COL27A1: variants seen among roughly 807,000 people sequenced by gnomAD.
COL27A1 encodes collagen type XXVII alpha 1 chain.
Under a neutral mutation model 251.3 loss-of-function variants are expected in COL27A1, and 106 were observed. That is an observed-to-expected ratio of 0.42 (90% CI 0.36 to 0.50). The LOEUF (loss-of-function observed/expected upper bound fraction) is 0.50, where lower values mean the gene tolerates loss of function less well. Ranked by LOEUF, COL27A1 falls within the 20% of genes least tolerant of loss-of-function variation. The pLI is 0.00. For missense variants in COL27A1, 2,325 were observed against 2,522.8 expected (o/e 0.92, Z 1.68); for synonymous variants, 1,000 against 986.3 (o/e 1.01, Z -0.26).
chr9:114,225,302 C>T (rs772269049), intron 14 of COL27A1, among the ~76,000 whole-genome samples: 6 of 152,238 alleles, frequency 3.9e-5, no homozygotes, highest in Non-Finnish European at 8.8e-5. Context: ...GGGCAGAGCC[C>T]TGGGACTTTC....
intron 16 of COL27A1, 99 bp downstream of exon 16, chr9:114,231,965 T>C: frequency 8.6e-7 from 1 of 1,158,742 alleles, no homozygotes; most frequent in East Asian, 2.3e-5. Flanking sequence ...TCCACTCCCC[T>C]GCACTCTTCC....
chr9:114,269,072 A>G (rs1045161615), intron 34 of COL27A1, 169 bp from the exon 35 acceptor site: 1 of 552,000 alleles, frequency 1.8e-6, no homozygotes, highest in African/African-American at 1.9e-5. Flanking sequence ...TACTTGGAAC[A>G]GGAGCTCTGG....
chr9:114,160,814 G>T (rs1848449882), intron 1 of COL27A1, among the ~76,000 whole-genome samples: 1 of 152,200 alleles, frequency 6.6e-6, no homozygotes, highest in Non-Finnish European at 1.5e-5. Context: ...GCAGTGAGCT[G>T]CGGGAGGTGA....
intron 49 of COL27A1, among the ~76,000 whole-genome samples, chr9:114,297,554 T>G (rs1452108967): frequency 6.6e-6 from 1 of 152,158 alleles, no homozygotes; most frequent in African/African-American, 2.4e-5. Context: ...ATACACCATA[T>G]TAATAAAATA....
At chr9:114,258,185 CATAA>C (rs1834071020) in intron 27 of COL27A1, among the ~76,000 whole-genome samples, 1 of 152,208 alleles carries the variant, frequency 6.6e-6, no homozygotes, top group African/African-American at 2.4e-5. Flanking sequence ...TCAATAAATA[CATAA>C]ATGAATGAAT....
intron 19 of COL27A1, among the ~76,000 whole-genome samples, chr9:114,239,810 C>T (rs1832630069): frequency 6.6e-6 from 1 of 152,168 alleles, no homozygotes; most frequent in Non-Finnish European, 1.5e-5. Context: ...CACAGCAAAC[C>T]CAGAAAATCA....
chr9:114,260,810 C>A (rs1248471948), intron 28 of COL27A1, among the ~76,000 whole-genome samples: 4 of 152,156 alleles, frequency 2.6e-5, no homozygotes, highest in African/African-American at 9.7e-5. Context: ...AGCTGTGGAA[C>A]CCCAGGCCGG....
At chr9:114,294,247 CAAAAAAAAAA>C (rs58536000) in intron 49 of COL27A1, among the ~76,000 whole-genome samples, 5 of 84,276 alleles carry the variant, frequency 5.9e-5, no homozygotes, top group Non-Finnish European at 1.2e-4. Context: ...GACTCTGTCT[CAAAAAAAAAA>C]AAAAAAAAAA....
At chr9:114,230,963 C>A in intron 14 of COL27A1, 116 bp from the exon 15 acceptor site, 1 of 732,944 alleles carries the variant, frequency 1.4e-6, no homozygotes, top group Non-Finnish European at 2.3e-6. Context: ...ATCAATCCTA[C>A]AGAGTTGCGT....
At chr9:114,204,919 T>G (rs574971677) in intron 7 of COL27A1, among the ~76,000 whole-genome samples, 183 bp from the exon 8 acceptor site, 1 of 152,142 alleles carries the variant, frequency 6.6e-6, no homozygotes, top group South Asian at 2.1e-4. Flanking sequence ...GAGAAAACCT[T>G]AGGAATATGT....
chr9:114,166,401 A>ATCCATCCATCCATCCC (rs2135059497), intron 2 of COL27A1, among the ~76,000 whole-genome samples: 1 of 145,576 alleles, frequency 6.9e-6, no homozygotes, highest in East Asian at 2.2e-4. Flanking sequence ...CCATCCACCC[A>ATCCATCCATCCATCCC]CCCACCTATC....
chr9:114,276,349 T>G (rs1235691077), intron 37 of COL27A1, among the ~76,000 whole-genome samples: 1 of 152,228 alleles, frequency 6.6e-6, no homozygotes, highest in African/African-American at 2.4e-5. Context: ...CTCACGCCTG[T>G]AATCCCAGCA....
intron 57 of COL27A1, 80 bp downstream of exon 57, chr9:114,304,753 C>T (rs1023607018): frequency 2.4e-6 from 3 of 1,252,444 alleles, no homozygotes; most frequent in Non-Finnish European, 3.5e-6. Context: ...GTGGTCAGTG[C>T]CTTCCATGTG....
intron 7 of COL27A1, among the ~76,000 whole-genome samples, chr9:114,203,192 G>T (rs1829694377): frequency 6.6e-6 from 1 of 152,132 alleles, no homozygotes; most frequent in Admixed American, 6.5e-5. Flanking sequence ...TAGGGCAAAG[G>T]ATGTTGTCTG....
At chr9:114,282,131 C>G in intron 37 of COL27A1, 146 bp from the exon 38 acceptor site, 1 of 681,252 alleles carries the variant, frequency 1.5e-6, no homozygotes, top group South Asian at 1.8e-5. Context: ...AGGTCAGGCT[C>G]AAGGTCATGT....
chr9:114,250,689 A>G (rs893329032), intron 25 of COL27A1, 21 bp downstream of exon 25: 6 of 1,607,438 alleles, frequency 3.7e-6, no homozygotes, highest in African/African-American at 1.3e-5. Context: ...TTGAGGGGAA[A>G]AGATAAACAA....
chr9:114,303,659 GATTATGC>G, intron 56 of COL27A1, among the ~76,000 whole-genome samples: 1 of 152,208 alleles, frequency 6.6e-6, no homozygotes, highest in African/African-American at 2.4e-5. Flanking sequence ...GCTTTCCCCA[GATTATGC>G]AGTTAGTAAG....
intron 16 of COL27A1, among the ~76,000 whole-genome samples, chr9:114,234,659 A>G (rs1832230600): frequency 6.6e-6 from 1 of 152,234 alleles, no homozygotes; most frequent in African/African-American, 2.4e-5. Context: ...AAGCCTGTGC[A>G]GTACATCGTG....
intron 56 of COL27A1, among the ~76,000 whole-genome samples, chr9:114,302,726 C>CAAAAAAAAAAAAAAA (rs60188308): frequency 7.2e-6 from 1 of 139,200 alleles, no homozygotes. Context: ...ACAAAAAAAA[C>CAAAAAAAAAAAAAAA]AAAAAAAAAA....
Sources: allele counts gnomAD v4.1 joint callset (sites outside exome capture counted in the v4.1 genomes callset), GRCh38; gene constraint gnomAD v4.1.1; transcripts MANE v1.5; gene names NCBI Gene and HGNC (gene_info 2026-07-23, HGNC 2026-07-21).